MIPOL1: variants seen among roughly 807,000 people sequenced by gnomAD.
The protein encoded by MIPOL1 is mirror-image polydactyly 1.
A neutral mutation model predicts 60.9 loss-of-function variants in MIPOL1; 57 were observed. The observed-to-expected ratio is 0.94, with a 90% CI of 0.76 to 1.17. MIPOL1 has a LOEUF of 1.17. MIPOL1 is among the 50% of genes most tolerant of loss of function. MIPOL1 has a pLI of 0.00. For synonymous variants in MIPOL1, 179 were observed against 168.8 expected (o/e 1.06, Z -0.47); for missense variants, 551 against 511.6 (o/e 1.08, Z -0.74).
intron 9 of MIPOL1, among the ~76,000 whole-genome samples, chr14:37,312,898 T>G (rs1006352917): frequency 6.6e-6 from 1 of 152,180 alleles, no homozygotes; most frequent in Admixed American, 6.5e-5. Context: ...TTCACTATTC[T>G]CCTTTTCCAG....
chr14:37,335,675 G>A (rs1431262773), intron 9 of MIPOL1, among the ~76,000 whole-genome samples: 1 of 151,966 alleles, frequency 6.6e-6, no homozygotes, highest in East Asian at 1.9e-4. Flanking sequence ...GGCCATTTAG[G>A]TTGCTTCTAA....
chr14:37,341,895 A>C (rs1250232681), intron 9 of MIPOL1, among the ~76,000 whole-genome samples: 1 of 152,190 alleles, frequency 6.6e-6, no homozygotes, highest in Non-Finnish European at 1.5e-5. Flanking sequence ...TAGCTACTTG[A>C]CTTTAGAGGA....
At chr14:37,221,863 A>G (rs1968828804) in intron 1 of MIPOL1, among the ~76,000 whole-genome samples, 1 of 152,174 alleles carries the variant, frequency 6.6e-6, no homozygotes, top group South Asian at 2.1e-4. Flanking sequence ...CATTCAAACC[A>G]TGGCATTTTG....
chr14:37,201,921 A>G (rs1487446732), intron 1 of MIPOL1, among the ~76,000 whole-genome samples: 1 of 152,104 alleles, frequency 6.6e-6, no homozygotes, highest in Non-Finnish European at 1.5e-5. Flanking sequence ...TGTAACCTTG[A>G]CCTGGGGTCA....
rs869258490 is a variant in MIPOL1, at chr14:37,431,569, C to CTTTTTTTTTTTTTTT, written c.1031+8633_1031+8647dup. On this transcript the variant is annotated intron_variant, in intron 11 of 12. Transcript: ENST00000684589. ...CTTGATATTGCTGCCATCTCTGTTTCTTTTTTTTTTTTTTTTTTTTTTTTT... is the reference window on the plus strand; with the variant it reads ...CTTGATATTGCTGCCATCTCTGTTTCTTTTTTTTTTTTTTTTTTTTTTTTTTTTTTTTTTTTTTTT... 7.7e-5 allele frequency among the ~76,000 whole-genome samples: 5 copies of CTTTTTTTTTTTTTTT among 64,852 alleles called. 1 individual carries two copies. Among genetic ancestry groups the CTTTTTTTTTTTTTTT allele is most frequent in the African/African-American group, 1.3e-4 (2 of 15,638 alleles). The allele number at this position is 64,852 out of a possible 152,430, so 42.5% of individuals were successfully genotyped here. A position where few individuals can be genotyped will look rare whatever the true frequency, so the allele number is the denominator to read the frequency against.
chr14:37,346,679 C>T (rs894438875), intron 9 of MIPOL1, among the ~76,000 whole-genome samples: 5 of 152,032 alleles, frequency 3.3e-5, no homozygotes, highest in Admixed American at 3.3e-4. Flanking sequence ...GATATAAGAG[C>T]AGATATTGAT....
chr14:37,375,349 C>T (rs78751155), intron 10 of MIPOL1, among the ~76,000 whole-genome samples: 2,322 of 152,132 alleles, frequency 0.015, 29 homozygotes, highest in Non-Finnish European at 0.024. Flanking sequence ...ACTGGAAGCA[C>T]GGCATGTGCC....
At chr14:37,250,907 T>G (rs1212727646) in intron 3 of MIPOL1, among the ~76,000 whole-genome samples, 1 of 152,162 alleles carries the variant, frequency 6.6e-6, no homozygotes, top group African/African-American at 2.4e-5. Flanking sequence ...CTGAAATATT[T>G]TAAGTCAAAG....
At chr14:37,427,999 T>C (rs2153556632) in intron 11 of MIPOL1, among the ~76,000 whole-genome samples, 1 of 152,348 alleles carries the variant, frequency 6.6e-6, no homozygotes, top group Admixed American at 6.5e-5. Flanking sequence ...TACTTACAGC[T>C]ATCCAAATCA....
rs142676137 is a variant in MIPOL1, at chr14:37,426,759, A to G, written c.1031+3810A>G. 9.2e-5 allele frequency among the ~76,000 whole-genome samples: 14 copies of G among 151,610 alleles called. No homozygotes were observed. The East Asian group carries it at 2.7e-3, about 29-fold the overall frequency. On this transcript the variant is annotated intron_variant, in intron 11 of 12. Transcript: ENST00000684589. ...TAAGTGAAATGCTTAAATGAAGTGA[A>G]GCACTCAGTTCTGAGCATGACCCAA...
At chr14:37,540,701 A>G (rs907877188) in intron 12 of MIPOL1, among the ~76,000 whole-genome samples, 51 of 152,036 alleles carry the variant, frequency 3.4e-4, no homozygotes, top group African/African-American at 1.2e-3. Flanking sequence ...ACTTGTGTCT[A>G]TCCACAACTT....
At chr14:37,351,610 G>A (rs1294604517) in intron 9 of MIPOL1, among the ~76,000 whole-genome samples, 28 of 144,364 alleles carry the variant, frequency 1.9e-4, no homozygotes, top group Non-Finnish European at 3.2e-4. Context: ...TCTAACTGGT[G>A]TGAGATGGTA....
intron 11 of MIPOL1, among the ~76,000 whole-genome samples, chr14:37,427,488 A>G (rs1434209672): frequency 6.6e-6 from 1 of 152,180 alleles, no homozygotes; most frequent in Non-Finnish European, 1.5e-5. Flanking sequence ...GTGGAAATGA[A>G]TAATGGTGAC....
chr14:37,313,945 G>A (rs970737049), intron 9 of MIPOL1, among the ~76,000 whole-genome samples: 1 of 152,016 alleles, frequency 6.6e-6, no homozygotes, highest in East Asian at 1.9e-4. Context: ...CTACTTTTCT[G>A]TCTTCTAGGT....
chr14:37,329,878 A>C (rs2089515177), intron 9 of MIPOL1, among the ~76,000 whole-genome samples: 1 of 152,146 alleles, frequency 6.6e-6, no homozygotes, highest in Non-Finnish European at 1.5e-5. Flanking sequence ...AATCCATTGA[A>C]GTTTACTTAA....
At chr14:37,349,375 A>C (rs2091185011) in intron 9 of MIPOL1, among the ~76,000 whole-genome samples, 1 of 152,032 alleles carries the variant, frequency 6.6e-6, no homozygotes, top group Non-Finnish European at 1.5e-5. Flanking sequence ...CCCTTTAGAA[A>C]CTTTCCATCT....
intron 3 of MIPOL1, among the ~76,000 whole-genome samples, chr14:37,254,039 G>T (rs1028188860): frequency 6.6e-6 from 1 of 151,728 alleles, no homozygotes; most frequent in African/African-American, 2.4e-5. Flanking sequence ...GCTTAATAGA[G>T]TGCTAGTAGC....
chr14:37,463,262 G>A (rs1039723447), intron 11 of MIPOL1, among the ~76,000 whole-genome samples: 2 of 152,092 alleles, frequency 1.3e-5, no homozygotes, highest in African/African-American at 4.8e-5. Context: ...CTCACTGTCA[G>A]AAGAACAGCA....
intron 1 of MIPOL1, among the ~76,000 whole-genome samples, chr14:37,223,512 T>C (rs1282175159): frequency 6.6e-6 from 1 of 152,060 alleles, no homozygotes; most frequent in African/African-American, 2.4e-5. Flanking sequence ...TGTTTGTTTG[T>C]TTGTTTTGAG....
Sources: allele counts gnomAD v4.1 joint callset (sites outside exome capture counted in the v4.1 genomes callset), GRCh38; gene constraint gnomAD v4.1.1; transcripts MANE v1.5; gene names NCBI Gene and HGNC (gene_info 2026-07-23, HGNC 2026-07-21).